The following FBXO25 variants were observed in gnomAD, a reference collection of about 807,000 sequenced individuals.
The protein encoded by FBXO25 is F-box protein 25.
Under a neutral mutation model 51.9 loss-of-function variants are expected in FBXO25, and 45 were observed. The observed-to-expected ratio is 0.87, with a 90% CI of 0.68 to 1.11. The LOEUF is 1.11. Ranked by LOEUF, FBXO25 falls within the 50% of genes most tolerant of loss-of-function variation. The pLI, the probability that FBXO25 is intolerant of heterozygous loss-of-function variation, is 0.00. For missense variants in FBXO25, 507 were observed against 428.5 expected (o/e 1.18, Z -1.62); for synonymous variants, 199 against 151.0 (o/e 1.32, Z -2.33).
intron 2 of FBXO25, among the ~76,000 whole-genome samples, chr8:430,133 A>G (rs1413974273): frequency 6.6e-6 from 1 of 152,162 alleles, no homozygotes; most frequent in Non-Finnish European, 1.5e-5. Flanking sequence ...CTGCGACAGT[A>G]TTTCTGGAGA....
Position 471,719 on chromosome 8 carries a change from C to G in FBXO25, c.*2915C>G, listed in dbSNP as rs1800491232. 6.6e-6 allele frequency: 1 copy of G among 152,184 alleles called. No homozygotes were observed. Among genetic ancestry groups the G allele is most frequent in the African/African-American group, 2.4e-5 (1 of 41,436 alleles). 9.4% of individuals were successfully genotyped at this position (152,184 alleles called of 1,614,324 possible). On this transcript the variant is annotated 3_prime_UTR_variant, in exon 10 of 10. Coordinates refer to ENST00000350302, the MANE Select transcript of FBXO25 (RefSeq NM_183420.2). ...TTGAGTCAAAAAGTCACATTCCTCACCTAATTTATGAATACACACAAATTG... is the reference window on the plus strand; with the variant it reads ...TTGAGTCAAAAAGTCACATTCCTCAGCTAATTTATGAATACACACAAATTG...
At chr8:464,566 TTAC>T (rs1425096641) in intron 9 of FBXO25, among the ~76,000 whole-genome samples, 2 of 152,210 alleles carry the variant, frequency 1.3e-5, no homozygotes, top group Non-Finnish European at 2.9e-5. Flanking sequence ...CCTTTTGTGA[TTAC>T]TTTTTTTGCT....
At chr8:442,564 G>C (rs1798492562) in intron 5 of FBXO25, among the ~76,000 whole-genome samples, 1 of 152,106 alleles carries the variant, frequency 6.6e-6, no homozygotes, top group Middle Eastern at 3.4e-3. Flanking sequence ...CCGCCCCCCG[G>C]GTTCAAGCGA....
At chr8:446,695 C>T (rs1798758335) in intron 5 of FBXO25, among the ~76,000 whole-genome samples, 1 of 152,212 alleles carries the variant, frequency 6.6e-6, no homozygotes, top group African/African-American at 2.4e-5. Flanking sequence ...CATTGGTCTT[C>T]TCAGCTTTGC....
intron 2 of FBXO25, among the ~76,000 whole-genome samples, chr8:419,518 T>C (rs1028178356): frequency 6.6e-6 from 1 of 152,194 alleles, no homozygotes; most frequent in African/African-American, 2.4e-5. Flanking sequence ...GGTCGGTTTG[T>C]TTTTGACAGT....
chr8:434,660 A>C (rs1327623952), intron 4 of FBXO25, among the ~76,000 whole-genome samples: 1 of 152,120 alleles, frequency 6.6e-6, no homozygotes, highest in Non-Finnish European at 1.5e-5. Flanking sequence ...CAATCATCTC[A>C]TGTTTTCTAT....
intron 4 of FBXO25, among the ~76,000 whole-genome samples, chr8:434,561 C>T (rs1282962870): frequency 3.9e-5 from 6 of 152,174 alleles, no homozygotes; most frequent in African/African-American, 1.2e-4. Context: ...ACATGAGCCT[C>T]TGAGTGTATC....
At chr8:461,701 G>T (rs558171130) in intron 8 of FBXO25, among the ~76,000 whole-genome samples, 9 of 152,162 alleles carry the variant, frequency 5.9e-5, no homozygotes, top group African/African-American at 2.2e-4. Context: ...ACCCCTAATC[G>T]ACTTTCTGTC....
Position 477,822 on chromosome 8 carries a change from C to G in FBXO25, c.*9018C>G, listed in dbSNP as rs753237006. On this transcript the variant is annotated 3_prime_UTR_variant, in exon 10 of 10. Transcript: ENST00000350302. Reference sequence around the variant, plus strand: ...GATATTACCCTTTTACATCTTTTCACTATTTAAAAATGTAAAAATCATTCT... The same window carrying G: ...GATATTACCCTTTTACATCTTTTCAGTATTTAAAAATGTAAAAATCATTCT... 5.9e-5 allele frequency: 9 copies of G among 152,244 alleles called. No individual in the cohort carries two copies. The highest frequency in any genetic ancestry group is 1.0e-4 in the Non-Finnish European group (7 of 68,046). The allele number at this position is 152,244 out of a possible 1,614,324, so 9.4% of individuals were successfully genotyped here.
At chr8:420,103 G>A (rs1797058848) in intron 2 of FBXO25, among the ~76,000 whole-genome samples, 2 of 152,100 alleles carry the variant, frequency 1.3e-5, no homozygotes, top group Admixed American at 6.6e-5. Flanking sequence ...ACTGCAGCTA[G>A]CCTGAGGCCA....
rs367713110 is a variant in FBXO25 at position 417,104 on chromosome 8, G to C, written c.134+3891G>C. On this transcript the variant is annotated intron_variant, in intron 2 of 9. Coordinates refer to ENST00000350302, the MANE Select transcript of FBXO25 (RefSeq NM_183420.2). ...TCATCTGGCATATTCAGGGACAGCAGGGTTCCAGCATGGGTAAGGGGAGCC... is the reference window on the plus strand; with the variant it reads ...TCATCTGGCATATTCAGGGACAGCACGGTTCCAGCATGGGTAAGGGGAGCC... 9.5e-4 allele frequency among the ~76,000 whole-genome samples: 144 copies of C among 152,332 alleles called. 1 individual carries two copies. Among genetic ancestry groups the C allele is most frequent in the African/African-American group, 3.4e-3 (140 of 41,574 alleles).
chr8:465,366 G>A (rs981451648), intron 9 of FBXO25, among the ~76,000 whole-genome samples: 13 of 152,120 alleles, frequency 8.5e-5, no homozygotes, highest in African/African-American at 3.1e-4. Context: ...TTTCTCCTGA[G>A]CAGATTGTTT....
chr8:464,363 GA>G (rs893256091), intron 9 of FBXO25, among the ~76,000 whole-genome samples: 35 of 152,092 alleles, frequency 2.3e-4, no homozygotes, highest in Admixed American at 3.9e-4. Flanking sequence ...CACCGTGGGG[GA>G]AAAAAAATGT....
At chr8:418,625 C>T (rs1384286468) in intron 2 of FBXO25, among the ~76,000 whole-genome samples, 2 of 152,146 alleles carry the variant, frequency 1.3e-5, no homozygotes, top group Non-Finnish European at 1.5e-5. Context: ...CATGCGTGAG[C>T]CACCGTTCCC....
chr8:438,867 TC>T (rs1247299136), intron 5 of FBXO25, among the ~76,000 whole-genome samples: 1 of 152,164 alleles, frequency 6.6e-6, no homozygotes, highest in African/African-American at 2.4e-5. Flanking sequence ...TCAGCAGCAT[TC>T]CCTGGCCCTT....
At chr8:426,441 A>G (rs1296270862) in intron 2 of FBXO25, among the ~76,000 whole-genome samples, 2 of 152,068 alleles carry the variant, frequency 1.3e-5, no homozygotes, top group Admixed American at 6.6e-5. Context: ...GATTTTACAG[A>G]CATGCATTCT....
intron 5 of FBXO25, among the ~76,000 whole-genome samples, chr8:443,702 G>T (rs535350941): frequency 5.5e-4 from 83 of 151,510 alleles, no homozygotes; most frequent in African/African-American, 1.8e-3. Flanking sequence ...TCGGGGCAGC[G>T]GTGGGCGGGC....
intron 5 of FBXO25, among the ~76,000 whole-genome samples, chr8:439,626 C>T (rs1798305164): frequency 6.6e-6 from 1 of 152,176 alleles, no homozygotes; most frequent in African/African-American, 2.4e-5. Context: ...GGCGAAGAGT[C>T]GGTCTCTCTT....
At position 471,560 on chromosome 8, in the gene FBXO25, T is replaced by A. The variant is rs1355426619; in HGVS notation, c.*2756T>A. On this transcript the variant is annotated 3_prime_UTR_variant, in exon 10 of 10. Coordinates refer to ENST00000350302, the MANE Select transcript of FBXO25 (RefSeq NM_183420.2). ...CCAGGTAGTAAGTTTCACTTGCCCA[T>A]CGCTCCTGTGAAAGGCAATGCCAGA... 6.6e-6 allele frequency: 1 copy of A among 152,190 alleles called. No homozygotes were observed. Among genetic ancestry groups the A allele is most frequent in the Non-Finnish European group, 1.5e-5 (1 of 68,040 alleles). The allele number at this position is 152,190 out of a possible 1,614,324, so 9.4% of individuals were successfully genotyped here. A position where few individuals can be genotyped will look rare whatever the true frequency, so the allele number is the denominator to read the frequency against.
Sources: gnomAD v4.1 joint callset for allele counts (sites outside exome capture counted in the v4.1 genomes callset) on GRCh38, gnomAD v4.1.1 for gene constraint, MANE v1.5 for transcripts, NCBI Gene and HGNC (gene_info 2026-07-23, HGNC 2026-07-21) for gene names.